Variants in PACRG observed in about 807,000 individuals in gnomAD.
The protein encoded by PACRG is parkin coregulated.
PACRG carries 29 observed loss-of-function variants against 29.7 expected under a neutral mutation model. The observed-to-expected ratio is 0.98, with a 90% confidence interval of 0.73 to 1.33. PACRG has a LOEUF of 1.33. PACRG is among the 40% of genes most tolerant of loss of function. PACRG has a pLI of 0.00. For missense variants in PACRG, 279 were observed against 316.2 expected (o/e 0.88, Z 0.89); for synonymous variants, 116 against 118.7 (o/e 0.98, Z 0.15).
chr6:163,282,918 T>C (rs1688431522), intron 4 of PACRG, among the ~76,000 whole-genome samples: 1 of 152,234 alleles, frequency 6.6e-6, no homozygotes, highest in Non-Finnish European at 1.5e-5. Context: ...CACCCATTGC[T>C]ACAATGACCT....
chr6:162,947,615 T>TATATATATAATC (rs1554313347), intron 2 of PACRG, among the ~76,000 whole-genome samples: 1,651 of 21,580 alleles, frequency 0.077, 21 homozygotes, highest in Middle Eastern at 0.11. Flanking sequence ...TATAATCATA[T>TATATATATAATC]ATATATATAT....
intron 4 of PACRG, among the ~76,000 whole-genome samples, chr6:163,094,520 A>G (rs1763394442): frequency 6.6e-6 from 1 of 152,196 alleles, no homozygotes; most frequent in African/African-American, 2.4e-5. Flanking sequence ...TAAAGTTGGA[A>G]GATCCGTGTA....
intron 4 of PACRG, among the ~76,000 whole-genome samples, chr6:163,146,980 A>G (rs543542536): frequency 6.6e-6 from 1 of 152,288 alleles, no homozygotes; most frequent in African/African-American, 2.4e-5. Flanking sequence ...TACATTGCTC[A>G]TCCCTTTTCC....
intron 2 of PACRG, among the ~76,000 whole-genome samples, chr6:162,851,443 TTC>T (rs1243965770): frequency 6.6e-6 from 1 of 152,256 alleles, no homozygotes; most frequent in Non-Finnish European, 1.5e-5. Context: ...GAGATCTTTA[TTC>T]TGGCATCTAA....
intron 1 of PACRG, among the ~76,000 whole-genome samples, chr6:162,782,684 G>A (rs978264902): frequency 4.9e-4 from 75 of 151,910 alleles, no homozygotes; most frequent in African/African-American, 1.8e-3. Flanking sequence ...GAACTTTGCT[G>A]AGTTACCTAA....
intron 4 of PACRG, among the ~76,000 whole-genome samples, chr6:163,235,203 C>G (rs550707127): frequency 6.6e-6 from 1 of 152,224 alleles, no homozygotes; most frequent in South Asian, 2.1e-4. Flanking sequence ...TCAGACGCAC[C>G]ACATTTCCTG....
intron 4 of PACRG, among the ~76,000 whole-genome samples, chr6:163,304,379 G>A (rs1785118318): frequency 6.6e-6 from 1 of 152,158 alleles, no homozygotes; most frequent in Admixed American, 6.5e-5. Flanking sequence ...AACCCACAAG[G>A]TAGCAATTTA....
intron 2 of PACRG, among the ~76,000 whole-genome samples, chr6:162,864,800 C>G (rs1225931031): frequency 6.6e-6 from 1 of 152,178 alleles, no homozygotes; most frequent in African/African-American, 2.4e-5. Context: ...CTGATTACTC[C>G]TACACCTTGA....
intron 4 of PACRG, among the ~76,000 whole-genome samples, chr6:163,213,130 AC>A (rs368732403): frequency 9.2e-5 from 14 of 152,326 alleles, no homozygotes; most frequent in African/African-American, 2.9e-4. Flanking sequence ...TATGAAATGG[AC>A]AAATTAAAAG....
intron 4 of PACRG, among the ~76,000 whole-genome samples, chr6:163,148,447 C>T (rs1236716306): frequency 6.6e-6 from 1 of 152,214 alleles, no homozygotes; most frequent in Non-Finnish European, 1.5e-5. Context: ...CCATCACGGG[C>T]AGGTTCGCAT....
chr6:162,910,711 A>G (rs1796244166), intron 2 of PACRG, among the ~76,000 whole-genome samples: 1 of 152,202 alleles, frequency 6.6e-6, no homozygotes, highest in Non-Finnish European at 1.5e-5. Flanking sequence ...AGTTAAATGG[A>G]TTCTCTTCTC....
At chr6:163,235,878 AG>A (rs1782214490) in intron 4 of PACRG, among the ~76,000 whole-genome samples, 1 of 152,160 alleles carries the variant, frequency 6.6e-6, no homozygotes. Flanking sequence ...ATTGCTTATA[AG>A]AGAGAGGCTT....
chr6:162,921,423 G>A (rs1033607685), intron 2 of PACRG, among the ~76,000 whole-genome samples: 2 of 152,184 alleles, frequency 1.3e-5, no homozygotes, highest in African/African-American at 4.8e-5. Flanking sequence ...TTCCTCCGGA[G>A]GCTGTCTGAT....
intron 4 of PACRG, among the ~76,000 whole-genome samples, chr6:163,128,594 A>G (rs1161191218): frequency 2.6e-5 from 4 of 152,224 alleles, no homozygotes. Context: ...TAGTGCAGTG[A>G]TACTCAGCCT....
intron 2 of PACRG, among the ~76,000 whole-genome samples, chr6:163,017,927 A>C (rs772618360): frequency 2.0e-5 from 3 of 152,096 alleles, no homozygotes; most frequent in Admixed American, 6.5e-5. Context: ...TGTATGAGTA[A>C]GACTCAAATT....
At chr6:162,802,597 C>T (rs1278107002) in intron 1 of PACRG, among the ~76,000 whole-genome samples, 1 of 152,160 alleles carries the variant, frequency 6.6e-6, no homozygotes, top group Non-Finnish European at 1.5e-5. Flanking sequence ...ACCTTGCTAA[C>T]ATCTCAGATC....
intron 2 of PACRG, among the ~76,000 whole-genome samples, chr6:162,833,962 C>T (rs932963910): frequency 2.0e-5 from 3 of 151,984 alleles, no homozygotes; most frequent in African/African-American, 4.8e-5. Flanking sequence ...ATTTTCCAAA[C>T]GTTTTTTCAT....
intron 4 of PACRG, among the ~76,000 whole-genome samples, chr6:163,308,112 C>T (rs1271109105): frequency 6.6e-6 from 1 of 152,022 alleles, no homozygotes; most frequent in African/African-American, 2.4e-5. Flanking sequence ...ATAAAATATA[C>T]CTGTAGCTTT....
chr6:162,834,663 C>G (rs576060708), intron 2 of PACRG, among the ~76,000 whole-genome samples: 38 of 151,574 alleles, frequency 2.5e-4, no homozygotes, highest in Non-Finnish European at 4.1e-4. Flanking sequence ...TGGCCTCTCT[C>G]TATAGCATTT....
Sources: allele counts gnomAD v4.1 joint callset (sites outside exome capture counted in the v4.1 genomes callset), GRCh38; gene constraint gnomAD v4.1.1; transcripts MANE v1.5; gene names NCBI Gene and HGNC (gene_info 2026-07-23, HGNC 2026-07-21).